The following MARCHF3 variants were observed in gnomAD, a reference collection of about 807,000 sequenced individuals.
MARCHF3 encodes the protein E3 ubiquitin-protein ligase MARCHF3.
MARCHF3 carries 13 observed loss-of-function variants against 24.2 expected under a neutral mutation model. The ratio of observed to expected loss-of-function variants is 0.54; its 90% CI spans 0.35 to 0.85. The LOEUF (loss-of-function observed/expected upper bound fraction) is 0.85, where lower values mean the gene tolerates loss of function less well. Among genes scored for constraint, MARCHF3 ranks in the 40% least tolerant of loss-of-function variants. The pLI is 0.01. For synonymous variants in MARCHF3, 144 were observed against 137.3 expected (o/e 1.05, Z -0.34); for missense variants, 276 against 325.0 (o/e 0.85, Z 1.16).
chr5:126,989,314 T>C (rs1751668324), intron 1 of MARCHF3, among the ~76,000 whole-genome samples: 1 of 143,118 alleles, frequency 7.0e-6, no homozygotes, highest in Admixed American at 6.8e-5. Flanking sequence ...CTAGTACTAC[T>C]ACTACTACTA....
At chr5:127,023,193 G>A (rs73783507) in intron 1 of MARCHF3, among the ~76,000 whole-genome samples, 1 of 152,072 alleles carries the variant, frequency 6.6e-6, no homozygotes, top group South Asian at 2.1e-4. Flanking sequence ...GGGACTGGTT[G>A]CAGGACATCC....
Position 127,020,901 on chromosome 5 carries a change from G to T in MARCHF3, c.-57+9449C>A, listed in dbSNP as rs1752785124. On this transcript the variant is annotated intron_variant, in intron 1 of 4. Transcript: ENST00000308660. The stretch of plus-strand genomic sequence containing the variant: ...ATAAAATAAAATAAAAATAAAAAGA[G>T]ACCCTGGAGAGCTAGCTAGCCCTTT... Among the ~76,000 whole-genome samples the T allele has an allele frequency of 2.6e-5, 4 of 151,824 alleles. No individual in the cohort carries two copies. In the South Asian group the frequency reaches 8.3e-4, roughly 32 times the overall value.
At chr5:126,924,401 T>C (rs1302370587) in intron 1 of MARCHF3, among the ~76,000 whole-genome samples, 1 of 152,190 alleles carries the variant, frequency 6.6e-6, no homozygotes, top group East Asian at 1.9e-4. Context: ...GGTCAGTGAC[T>C]GAAACGGGAA....
At chr5:126,971,208 G>A (rs915249094) in intron 1 of MARCHF3, among the ~76,000 whole-genome samples, 1 of 152,080 alleles carries the variant, frequency 6.6e-6, no homozygotes, top group Non-Finnish European at 1.5e-5. Context: ...CCAGCACTTT[G>A]GGAGGCCGAG....
rs550523940 is a variant in MARCHF3, at chr5:126,978,189, C to T, written c.-57+52161G>A. Among the ~76,000 whole-genome samples the T allele has an allele frequency of 3.4e-4, 52 of 152,284 alleles. No homozygotes were observed. In the South Asian group the frequency reaches 0.01, roughly 30 times the overall value. ...CCCCCAAAACCCTCAGTAAAACCTACCTTATTTTCCAATACTTTTGCAGCT... is the reference window on the plus strand; with the variant it reads ...CCCCCAAAACCCTCAGTAAAACCTATCTTATTTTCCAATACTTTTGCAGCT... On this transcript the variant is annotated intron_variant, in intron 1 of 4. Coordinates refer to ENST00000308660, the MANE Select transcript of MARCHF3 (RefSeq NM_178450.5).
intron 1 of MARCHF3, among the ~76,000 whole-genome samples, chr5:127,025,242 C>T (rs1240131802): frequency 6.6e-6 from 1 of 150,784 alleles, no homozygotes; most frequent in Non-Finnish European, 1.5e-5. Context: ...TTCCTAAGTA[C>T]TCCAGGGCAG....
intron 1 of MARCHF3, among the ~76,000 whole-genome samples, chr5:126,953,280 C>T (rs1198061584): frequency 1.3e-5 from 2 of 152,086 alleles, no homozygotes; most frequent in African/African-American, 2.4e-5. Flanking sequence ...GACATGCTTC[C>T]TATTGCTTTC....
At chr5:126,903,126 T>C (rs922393126) in intron 3 of MARCHF3, among the ~76,000 whole-genome samples, 1 of 152,042 alleles carries the variant, frequency 6.6e-6, no homozygotes, top group African/African-American at 2.4e-5. Context: ...TATAATACTC[T>C]GAAAGGAAGA....
At chr5:126,894,318 T>A (rs1753796971) in intron 3 of MARCHF3, among the ~76,000 whole-genome samples, 2 of 151,102 alleles carry the variant, frequency 1.3e-5, no homozygotes, top group African/African-American at 2.5e-5. Flanking sequence ...TATGTGTGAA[T>A]TTGATCCTGT....
rs1752003146 is a variant in MARCHF3, at chr5:126,998,000, A to G, written c.-57+32350T>C. Among the ~76,000 whole-genome samples the G allele has an allele frequency of 3.3e-5, 5 of 152,250 alleles. No homozygotes were observed. In the South Asian group the frequency reaches 1.0e-3, roughly 31 times the overall value. On this transcript the variant is annotated intron_variant, in intron 1 of 4. Coordinates refer to ENST00000308660, the MANE Select transcript of MARCHF3 (RefSeq NM_178450.5). ...GCTATAGGCAGTCTAAGAACAACTGAGGAAATATTAAGAGAAAAAAGAGAA... is the reference window on the plus strand; with the variant it reads ...GCTATAGGCAGTCTAAGAACAACTGGGGAAATATTAAGAGAAAAAAGAGAA...
chr5:126,932,354 G>A (rs866165588), intron 1 of MARCHF3, among the ~76,000 whole-genome samples: 6 of 152,206 alleles, frequency 3.9e-5, no homozygotes, highest in Non-Finnish European at 7.3e-5. Context: ...TGACTTCCTC[G>A]CAGTCATTAT....
At chr5:126,894,449 C>T (rs1372115362) in intron 3 of MARCHF3, among the ~76,000 whole-genome samples, 2,044 of 150,954 alleles carry the variant, frequency 0.014, 59 homozygotes, top group African/African-American at 0.047. Context: ...CCATGTTTAG[C>T]GCTTCCTTCA....
intron 2 of MARCHF3, among the ~76,000 whole-genome samples, chr5:126,915,343 G>A (rs73335489): frequency 6.6e-6 from 1 of 152,176 alleles, no homozygotes; most frequent in Non-Finnish European, 1.5e-5. Context: ...AAGAAATAGG[G>A]GATTGCCAAT....
rs374969538 is a variant in MARCHF3, at chr5:126,871,991, G to A, written c.604-1200C>T. Among the ~76,000 whole-genome samples, 53 of 151,766 alleles carry A rather than the reference G, an allele frequency of 3.5e-4. No homozygotes were observed. In the East Asian group the frequency reaches 9.7e-3, roughly 28 times the overall value. On this transcript the variant is annotated intron_variant, in intron 4 of 4. Transcript: ENST00000308660. Reference sequence around the variant, plus strand: ...CTCCCAAAGGGCTGGGATTACAGGCGTGAGCCACTGTGTCCTGCCAAACCT... The same window carrying A: ...CTCCCAAAGGGCTGGGATTACAGGCATGAGCCACTGTGTCCTGCCAAACCT...
chr5:127,023,768 AT>A (rs1356740834), intron 1 of MARCHF3, among the ~76,000 whole-genome samples: 17 of 149,408 alleles, frequency 1.1e-4, no homozygotes, highest in South Asian at 6.2e-4. Flanking sequence ...AAATAAATAA[AT>A]AAATAAATAA....
At chr5:126,894,251 C>A (rs1478006435) in intron 3 of MARCHF3, among the ~76,000 whole-genome samples, 1 of 142,288 alleles carries the variant, frequency 7.0e-6, no homozygotes, top group African/African-American at 2.7e-5. Context: ...TCCAATTTGC[C>A]AGTCTGTGTC....
intron 3 of MARCHF3, among the ~76,000 whole-genome samples, chr5:126,907,431 C>T (rs1466118051): frequency 2.8e-5 from 4 of 143,614 alleles, no homozygotes; most frequent in African/African-American, 1.0e-4. Context: ...TAAAGTCTCC[C>T]ATTATTAATG....
chr5:126,903,625 T>C (rs1367941322), intron 3 of MARCHF3, among the ~76,000 whole-genome samples: 1 of 150,698 alleles, frequency 6.6e-6, no homozygotes, highest in African/African-American at 2.5e-5. Context: ...TCCACCTAAG[T>C]CTCGTGTGTG....
intron 1 of MARCHF3, among the ~76,000 whole-genome samples, chr5:126,989,791 T>C (rs1459294072): frequency 1.3e-5 from 2 of 152,158 alleles, no homozygotes; most frequent in Admixed American, 1.3e-4. Context: ...CACTCTGATC[T>C]TCAGTGTCTC....
Sources: gnomAD v4.1 joint callset for allele counts (sites outside exome capture counted in the v4.1 genomes callset) on GRCh38, gnomAD v4.1.1 for gene constraint, MANE v1.5 for transcripts, NCBI Gene and HGNC (gene_info 2026-07-23, HGNC 2026-07-21) for gene names.